The following MTMR1 variants were observed in gnomAD, a reference collection of about 807,000 sequenced individuals.
MTMR1 encodes phosphatidylinositol-3-phosphate phosphatase MTMR1.
MTMR1 carries 17 observed loss-of-function variants against 51.6 expected under a neutral mutation model. The ratio of observed to expected loss-of-function variants is 0.33; its 90% confidence interval spans 0.23 to 0.49. The LOEUF (loss-of-function observed/expected upper bound fraction) is 0.49. MTMR1 is among the 20% of genes least tolerant of loss of function. The pLI is 0.99. For missense variants in MTMR1, 386 were observed against 526.9 expected (o/e 0.73, Z 2.62); for synonymous variants, 201 against 205.6 (o/e 0.98, Z 0.19).
At chrX:150,698,725 C>CAA (rs1275792702) in intron 1 of MTMR1, among the ~76,000 whole-genome samples, 59 of 105,612 alleles carry the variant, frequency 5.6e-4, no homozygotes, top group South Asian at 2.1e-3. Context: ...CACACACACA[C>CAA]AAAAGCCGGG....
At chrX:150,712,632 C>T in intron 3 of MTMR1, 1 of 325,561 alleles carries the variant, frequency 3.1e-6, no homozygotes, top group South Asian at 6.3e-5. Flanking sequence ...TGTTGTACTA[C>T]ATGAATTATG....
At chrX:150,759,780 C>T (rs1050414334) in intron 15 of MTMR1, among the ~76,000 whole-genome samples, 1 of 110,241 alleles carries the variant, frequency 9.1e-6, no homozygotes, top group Admixed American at 9.6e-5. Flanking sequence ...CTATAACCTG[C>T]AGTCCTCTTG....
chrX:150,727,609 T>G, intron 5 of MTMR1, 75 bp from the exon 6 acceptor site: 1 of 812,981 alleles, frequency 1.2e-6, no homozygotes, highest in Non-Finnish European at 1.8e-6. Context: ...ACATGTTTTG[T>G]AACCCAGCAA....
chrX:150,720,321 T>TG (rs1390335406), intron 4 of MTMR1, among the ~76,000 whole-genome samples: 1 of 112,086 alleles, frequency 8.9e-6, no homozygotes, highest in African/African-American at 3.2e-5. Context: ...CTACTTCCTC[T>TG]GCCTTCTCCG....
At chrX:150,721,010 T>C (rs1364279408) in intron 4 of MTMR1, among the ~76,000 whole-genome samples, 1 of 111,662 alleles carries the variant, frequency 9.0e-6, no homozygotes, top group Non-Finnish European at 1.9e-5. Flanking sequence ...CATCAGGAAT[T>C]GATGTTAGAT....
rs2043221004 is a variant in MTMR1 at position 150,764,080 on chromosome X, TAGAGGC to T, written c.*1360_*1365del. 8.9e-6 allele frequency: 1 copy of T among 112,693 alleles called. No individual in the cohort carries two copies. The highest frequency in any genetic ancestry group is 3.2e-5 in the African/African-American group (1 of 30,996). 9.3% of individuals were successfully genotyped at this position (112,693 alleles called of 1,213,427 possible). A position where few individuals can be genotyped will look rare whatever the true frequency, so the allele number is the denominator to read the frequency against. On this transcript the variant is annotated 3_prime_UTR_variant, in exon 16 of 16. Coordinates refer to ENST00000445323, the MANE Select transcript of MTMR1 (RefSeq NM_001306144.3). Reference sequence around the variant, plus strand: ...CCACTGGCTGCAGGAATTCAGCCTTTAGAGGCAGAGGCAGCTGCAGCGGCCCCTGAG... The same window carrying T: ...CCACTGGCTGCAGGAATTCAGCCTTTAGAGGCAGCTGCAGCGGCCCCTGAG...
chrX:150,723,676 A>G (rs2041829357), intron 4 of MTMR1, among the ~76,000 whole-genome samples: 1 of 111,918 alleles, frequency 8.9e-6, no homozygotes, highest in South Asian at 3.7e-4. Flanking sequence ...TTTATTACCC[A>G]GATACTAGGC....
chrX:150,742,627 T>C (rs985097014), intron 12 of MTMR1, among the ~76,000 whole-genome samples: 7 of 109,225 alleles, frequency 6.4e-5, no homozygotes, highest in African/African-American at 2.3e-4. Flanking sequence ...CCATCTTGGC[T>C]AACACGGTGA....
intron 3 of MTMR1, chrX:150,712,922 AT>A: frequency 1.1e-6 from 1 of 925,768 alleles, no homozygotes; most frequent in Non-Finnish European, 1.4e-6. Flanking sequence ...TTTCCTCATG[AT>A]TTTCCTTCCC....
rs782350813 is a variant in MTMR1 at position 150,727,804 on chromosome X, C to T, written c.555+13C>T. 2.5e-5 allele frequency: 29 copies of T among 1,156,188 alleles called. No individual in the cohort carries two copies. Among genetic ancestry groups the T allele is most frequent in the East Asian group, 6.0e-5 (2 of 33,414 alleles). ...GATAGTGTGCAAGGTATAATAGAAA[C>T]GCCAAGTGAAAACTAAAAGAGGGCA... On this transcript the variant is annotated intron_variant, in intron 6 of 15. Coordinates refer to ENST00000445323, the MANE Select transcript of MTMR1 (RefSeq NM_001306144.3).
Position 150,720,226 on chromosome X carries a change from A to G in MTMR1, c.352+1526A>G, listed in dbSNP as rs147073411. Among the ~76,000 whole-genome samples, 27 of 111,776 alleles carry G rather than the reference A, an allele frequency of 2.4e-4. No individual in the cohort carries two copies. In the East Asian group the frequency reaches 6.4e-3, roughly 27 times the overall value. ...TGTGAAGAGTTTTGACACGGTGTAC[A>G]CCTGAGAAACCATCATTCACAGTCA... is the stretch of plus-strand genomic sequence containing the variant. On this transcript the variant is annotated intron_variant, in intron 4 of 15. Transcript: ENST00000445323.
At chrX:150,725,107 G>T (rs1456185266) in intron 4 of MTMR1, among the ~76,000 whole-genome samples, 1 of 111,891 alleles carries the variant, frequency 8.9e-6, no homozygotes, top group Non-Finnish European at 1.9e-5. Context: ...CTAGTTCTGG[G>T]AATGTCATTG....
At chrX:150,751,531 G>GC (rs782103702) in intron 14 of MTMR1, among the ~76,000 whole-genome samples, 1 of 111,068 alleles carries the variant, frequency 9.0e-6, no homozygotes, top group South Asian at 3.8e-4. Context: ...AGTTGACAGT[G>GC]CCCTCATTCT....
rs1227496071 is a variant in MTMR1, at chrX:150,764,140, T to C, written c.*1411T>C. 8.9e-6 allele frequency: 1 copy of C among 112,629 alleles called. No homozygotes were observed. The highest frequency in any genetic ancestry group is 3.6e-4 in the South Asian group (1 of 2,758). 9.3% of individuals were successfully genotyped at this position (112,629 alleles called of 1,213,427 possible). On this transcript the variant is annotated 3_prime_UTR_variant, in exon 16 of 16. Transcript: ENST00000445323. ...AAACCCCAGTGTGACTGCATAGCAG[T>C]GTTAGCTGGTTGGTTTCAAACTACT... is the stretch of plus-strand genomic sequence containing the variant.
At chrX:150,714,426 G>C (rs181552868) in intron 3 of MTMR1, 19 of 853,954 alleles carry the variant, frequency 2.2e-5, no homozygotes, top group Non-Finnish European at 3.0e-5. Context: ...GTTTGCACGT[G>C]TTTCTCTTTC....
Position 150,693,545 on chromosome X carries a change from G to T in MTMR1, c.15G>T (p.Ala5=), listed in dbSNP as rs1378897684. MDRP[A]AAAAAGCEGG... ...CTCGGCGCGCCATGGACAGGCCGGC[G>T]GCGGCGGCGGCGGCGGGCTGCGAGG... Residue 5 remains alanine, a synonymous_variant, in exon 1 of 16, where the codon GCG becomes GCT. Transcript: ENST00000445323. 28 of 754,015 alleles carry T rather than the reference G, an allele frequency of 3.7e-5. No homozygotes were observed. The highest frequency in any genetic ancestry group is 4.4e-5 in the Non-Finnish European group (28 of 639,603). The allele number at this position is 754,015 out of a possible 1,213,427, so 62.1% of individuals were successfully genotyped here.
chrX:150,760,366 G>GCT (rs2043069940), intron 15 of MTMR1, among the ~76,000 whole-genome samples: 2 of 98,966 alleles, frequency 2.0e-5, no homozygotes, highest in Non-Finnish European at 4.5e-5. Context: ...AAGCCTGTTG[G>GCT]GCCTCTTTTC....
intron 10 of MTMR1, among the ~76,000 whole-genome samples, chrX:150,733,061 G>C (rs1557417052): frequency 8.9e-6 from 1 of 112,577 alleles, no homozygotes; most frequent in East Asian, 2.8e-4. Flanking sequence ...GAATATAGTG[G>C]TTAGTTGATT....
In MTMR1 at chrX:150,764,311, C is replaced by T. The variant is rs192415907; in HGVS notation, c.*1582C>T. The T allele has an allele frequency of 9.9e-5, 11 of 111,367 alleles. No homozygotes were observed. The East Asian group carries it at 2.8e-3, about 28-fold the overall frequency. The allele number at this position is 111,367 out of a possible 1,213,427, so 9.2% of individuals were successfully genotyped here. A position where few individuals can be genotyped will look rare whatever the true frequency, so the allele number is the denominator to read the frequency against. On this transcript the variant is annotated 3_prime_UTR_variant, in exon 16 of 16. Transcript: ENST00000445323. ...AAATTATCCTTCTATAAGAAGATAC[C>T]AGAGAGATTTATTCAAGGTAATTTG...
Sources: gnomAD v4.1 joint callset for allele counts (sites outside exome capture counted in the v4.1 genomes callset) on GRCh38, gnomAD v4.1.1 for gene constraint, MANE v1.5 for transcripts, NCBI Gene and HGNC (gene_info 2026-07-23, HGNC 2026-07-21) for gene names.